Variants in RPGR observed in about 807,000 individuals in gnomAD.
The protein encoded by RPGR is X-linked retinitis pigmentosa GTPase regulator.
Under a neutral mutation model 56.3 loss-of-function variants are expected in RPGR, and 10 were observed. That is an observed-to-expected ratio of 0.18 (90% CI 0.11 to 0.30). The LOEUF (loss-of-function observed/expected upper bound fraction) is 0.30, where lower values mean the gene tolerates loss of function less well. Among genes scored for constraint, RPGR ranks in the 10% least tolerant of loss-of-function variants. The pLI is 1.00. For synonymous variants in RPGR, 197 were observed against 212.9 expected (o/e 0.93, Z 0.65); for missense variants, 538 against 590.9 (o/e 0.91, Z 0.93).
At chrX:38,317,255 T>C (rs1601971967) in intron 6 of RPGR, 61 bp downstream of exon 6, 3 of 1,039,726 alleles carry the variant, frequency 2.9e-6, no homozygotes, top group East Asian at 3.0e-5. Flanking sequence ...ATCATTTCAT[T>C]ATTAATTTAA....
intron 15 of RPGR, among the ~76,000 whole-genome samples, chrX:38,279,583 G>T (rs1451209999): frequency 9.0e-6 from 1 of 111,024 alleles, no homozygotes; most frequent in African/African-American, 3.3e-5. Flanking sequence ...GACTGAAAGG[G>T]GTTAAAGTGA....
At chrX:38,277,974 T>C (rs2066965166) in intron 15 of RPGR, among the ~76,000 whole-genome samples, 1 of 112,267 alleles carries the variant, frequency 8.9e-6, no homozygotes, top group Non-Finnish European at 1.9e-5. Flanking sequence ...CGTGGCCTAA[T>C]AGCATTCCCA....
chrX:38,311,742 G>A (rs1484092695), intron 6 of RPGR, among the ~76,000 whole-genome samples: 1 of 111,490 alleles, frequency 9.0e-6, no homozygotes. Context: ...CATTATTGAG[G>A]GTCCTGAGTT....
intron 1 of RPGR, among the ~76,000 whole-genome samples, chrX:38,323,982 G>T (rs1230997556): frequency 8.9e-6 from 1 of 112,043 alleles, no homozygotes; most frequent in Non-Finnish European, 1.9e-5. Flanking sequence ...GCTATCCATG[G>T]GGAGAGTCTC....
intron 1 of RPGR, among the ~76,000 whole-genome samples, chrX:38,324,372 T>A (rs1326593238): frequency 1.8e-5 from 2 of 111,282 alleles, no homozygotes; most frequent in Admixed American, 9.5e-5. Context: ...AGTGCTGGGA[T>A]TGCAGGCGTG....
intron 1 of RPGR, 121 bp from the exon 2 acceptor site, chrX:38,323,645 G>T: frequency 1.3e-6 from 1 of 756,558 alleles, no homozygotes; most frequent in Non-Finnish European, 2.0e-6. Context: ...CCCCACTCTG[G>T]CAATGTTTAA....
intron 15 of RPGR, among the ~76,000 whole-genome samples, chrX:38,283,907 T>G (rs988395638): frequency 3.6e-5 from 4 of 111,918 alleles, no homozygotes; most frequent in African/African-American, 1.3e-4. Context: ...ACATATATTT[T>G]TATCATAGTA....
intron 1 of RPGR, 43 bp from the exon 2 acceptor site, chrX:38,323,567 T>C: frequency 8.5e-7 from 1 of 1,183,276 alleles, no homozygotes; most frequent in Non-Finnish European, 1.1e-6. Context: ...TTTTACTATG[T>C]TGCCTGTTAT....
chrX:38,273,596 CT>C (rs2066879652), intron 17 of RPGR: 1 of 504,424 alleles, frequency 2.0e-6, no homozygotes, highest in Admixed American at 3.1e-5. Context: ...GAGCTCACCC[CT>C]GGAGTAGTGG....
intron 13 of RPGR, among the ~76,000 whole-genome samples, chrX:38,290,671 A>G (rs1189102604): frequency 1.8e-5 from 2 of 111,905 alleles, no homozygotes; most frequent in East Asian, 5.6e-4. Context: ...AAGAACTGCA[A>G]TCATAACCTA....
At chrX:38,288,865 T>TCTG (rs1161944459) in intron 13 of RPGR, among the ~76,000 whole-genome samples, 1 of 110,450 alleles carries the variant, frequency 9.1e-6, no homozygotes, top group East Asian at 2.9e-4. Context: ...CACTGCAGCC[T>TCTG]CTGCCTCCTG....
intron 11 of RPGR, among the ~76,000 whole-genome samples, chrX:38,291,786 T>C (rs1446295491): frequency 2.7e-5 from 3 of 112,107 alleles, no homozygotes; most frequent in Non-Finnish European, 3.8e-5. Flanking sequence ...TAATAGCTAG[T>C]CCTAAGAAGG....
At position 38,287,973 on chromosome X, in the gene RPGR, A is replaced by G; in HGVS notation, c.1641T>C (p.Tyr547=). ...CTTCTTTCATTTCTGACATTTCTTC[A>G]TATTCATCACTATCATCGTTTTCAG... The change falls in exon 14 of 19, where the codon TAT becomes TAC. Residue 547 remains tyrosine, a synonymous_variant. Transcript: ENST00000642395. 1.7e-6 allele frequency: 2 copies of G among 1,209,537 alleles called. No individual in the cohort carries two copies. Among genetic ancestry groups the G allele is most frequent in the Non-Finnish European group, 2.2e-6 (2 of 893,848 alleles).
At chrX:38,316,988 A>G (rs1294572691) in intron 6 of RPGR, among the ~76,000 whole-genome samples, 1 of 111,329 alleles carries the variant, frequency 9.0e-6, no homozygotes, top group African/African-American at 3.3e-5. Context: ...AACATTTCCA[A>G]TATTTTAACT....
At chrX:38,292,712 T>C in intron 11 of RPGR, among the ~76,000 whole-genome samples, 1 of 112,585 alleles carries the variant, frequency 8.9e-6, no homozygotes, top group South Asian at 3.7e-4. Flanking sequence ...AATTGCAATT[T>C]TGTTGTTTGC....
chrX:38,301,418 T>G (rs781536091), intron 8 of RPGR, 47 bp from the exon 9 acceptor site: 1 of 1,069,328 alleles, frequency 9.4e-7, no homozygotes, highest in Non-Finnish European at 1.3e-6. Flanking sequence ...GTTACTTGTA[T>G]GGATCTATTT....
Position 38,286,674 on chromosome X carries a change from CCT to C in RPGR, c.1905+418_1905+419del, listed in dbSNP as rs1555961832. On this transcript the variant is annotated intron_variant, in intron 15 of 18. Transcript: ENST00000642395. ...CCTTCCCCGCTCTTTCCTCCTTTTT[CCT>C]CTCTCCTTCCTCCTTTTCACGTTCT... is the stretch of plus-strand genomic sequence containing the variant. The C allele has an allele frequency of 8.8e-7, 1 of 1,140,879 alleles. No individual in the cohort carries two copies. The highest frequency in any genetic ancestry group is 2.1e-5 in the African/African-American group (1 of 48,569). The allele number at this position is 1,140,879 out of a possible 1,213,427, so 94.0% of individuals were successfully genotyped here. A position where few individuals can be genotyped will look rare whatever the true frequency, so the allele number is the denominator to read the frequency against.
At chrX:38,294,043 C>T (rs1380955729) in intron 11 of RPGR, among the ~76,000 whole-genome samples, 2 of 111,529 alleles carry the variant, frequency 1.8e-5, no homozygotes, top group African/African-American at 6.5e-5. Context: ...CCCTCATTCC[C>T]CATTCATAAC....
intron 11 of RPGR, among the ~76,000 whole-genome samples, chrX:38,293,251 C>G (rs1259985669): frequency 9.0e-6 from 1 of 111,271 alleles, no homozygotes. Context: ...TCCTAACTAA[C>G]CTATGACATT....
Sources: allele counts gnomAD v4.1 joint callset (sites outside exome capture counted in the v4.1 genomes callset), GRCh38; gene constraint gnomAD v4.1.1; transcripts MANE v1.5; gene names NCBI Gene and HGNC (gene_info 2026-07-23, HGNC 2026-07-21).